Variants in SYCP2L observed in about 807,000 individuals in gnomAD.
SYCP2L encodes the protein synaptonemal complex protein 2-like.
A neutral mutation model predicts 125.8 loss-of-function variants in SYCP2L; 98 were observed. That is an observed-to-expected ratio of 0.78 (90% CI 0.66 to 0.92). The LOEUF (loss-of-function observed/expected upper bound fraction) is 0.92, where lower values mean the gene tolerates loss of function less well. Ranked by LOEUF, SYCP2L falls within the 40% of genes least tolerant of loss-of-function variation. The pLI, the probability that SYCP2L is intolerant of heterozygous loss-of-function variation, is 0.00. For synonymous variants in SYCP2L, 317 were observed against 325.4 expected (o/e 0.97, Z 0.28); for missense variants, 842 against 936.4 (o/e 0.90, Z 1.32).
chr6:10,913,077 G>C (rs1780636744), intron 14 of SYCP2L, 150 bp downstream of exon 14: 2 of 637,770 alleles, frequency 3.1e-6, no homozygotes, highest in South Asian at 4.5e-5. Flanking sequence ...CGCTGTCACA[G>C]GTTTGTGACT....
At position 10,961,395 on chromosome 6, in the gene SYCP2L, G is replaced by A; in HGVS notation, c.2346G>A (p.Lys782=). The change falls in exon 27 of 30, where the codon AAG becomes AAA. Residue 782 remains lysine, a synonymous_variant. Coordinates refer to ENST00000283141, the MANE Select transcript of SYCP2L (RefSeq NM_001040274.3). ...TTCAGGCCCTGGAACACCTTGAGAA[G>A]GAGGTTCTGGTAAGTTCTTTTTGTG... ...QDIQALEHLE[K]EVLEFWGKQS... The A allele has an allele frequency of 6.2e-7, 1 of 1,614,112 alleles. No individual in the cohort carries two copies. Among genetic ancestry groups the A allele is most frequent in the Non-Finnish European group, 8.5e-7 (1 of 1,179,984 alleles).
At chr6:10,930,655 G>C (rs767491864) in intron 19 of SYCP2L, 141 bp downstream of exon 19, 24 of 931,800 alleles carry the variant, frequency 2.6e-5, no homozygotes, top group Admixed American at 5.7e-5. Context: ...AGTTACACTG[G>C]AAAGGCAAAA....
intron 23 of SYCP2L, among the ~76,000 whole-genome samples, chr6:10,945,975 CAT>C (rs552341679): frequency 3.7e-3 from 559 of 152,126 alleles, no homozygotes; most frequent in Non-Finnish European, 6.2e-3. Context: ...TCATGACTGA[CAT>C]ATGTGTATGT....
At chr6:10,893,769 T>C in intron 2 of SYCP2L, 98 bp from the exon 3 acceptor site, 1 of 1,293,322 alleles carries the variant, frequency 7.7e-7, no homozygotes, top group East Asian at 2.5e-5. Flanking sequence ...CTATATTATT[T>C]CACACTGAAT....
intron 1 of SYCP2L, among the ~76,000 whole-genome samples, chr6:10,887,526 C>A (rs73723607): frequency 0.03 from 4,539 of 152,124 alleles, 229 homozygotes; most frequent in African/African-American, 0.1. Flanking sequence ...TTTAACCGAA[C>A]GACAAAGGAC....
chr6:10,955,878 T>C (rs1781495625), intron 24 of SYCP2L, among the ~76,000 whole-genome samples: 1 of 152,204 alleles, frequency 6.6e-6, no homozygotes, highest in Non-Finnish European at 1.5e-5. Context: ...CCTAGCTATA[T>C]GTCCTCCTTA....
In SYCP2L at chr6:10,891,581, G is replaced by A; in HGVS notation, c.78G>A (p.Trp26Ter). ...RTGKAQDDAF[W>*]LQSLITDAFH... is the part of the protein sequence containing the mutation. ...GGAAGGCCCAGGATGATGCTTTCTGGGTAAAGATCAAGTTTCTTTTATAAT... is the reference window on the plus strand; with the variant it reads ...GGAAGGCCCAGGATGATGCTTTCTGAGTAAAGATCAAGTTTCTTTTATAAT... Residue 26 changes from tryptophan (W) to a stop codon, truncating the protein, a stop_gained and splice_region_variant, in exon 2 of 30, where the codon TGG (tryptophan) becomes TGA (stop). Transcript: ENST00000283141. LOFTEE classifies it high-confidence loss of function. 1.3e-6 allele frequency: 2 copies of A among 1,572,100 alleles called. No homozygotes were observed. The highest frequency in any genetic ancestry group is 1.7e-6 in the Non-Finnish European group (2 of 1,147,364).
chr6:10,959,009 C>G, intron 26 of SYCP2L, 134 bp downstream of exon 26: 1 of 727,994 alleles, frequency 1.4e-6, no homozygotes, highest in Non-Finnish European at 2.3e-6. Context: ...TCATTTAACC[C>G]TTCTGGGTTT....
rs1780594805 is a variant in SYCP2L at position 10,910,884 on chromosome 6, C to G, written c.918+15C>G. ...ATGAGCATGAGGTATGTTCATCCCT[C>G]TTGGAGGTCCTGAGGGCGGTGTGCA... On this transcript the variant is annotated intron_variant, in intron 12 of 29. Transcript: ENST00000283141. 1 of 1,613,814 alleles carries G rather than the reference C, an allele frequency of 6.2e-7. No homozygotes were observed. Among genetic ancestry groups the G allele is most frequent in the Non-Finnish European group, 8.5e-7 (1 of 1,179,918 alleles).
intron 1 of SYCP2L, among the ~76,000 whole-genome samples, chr6:10,890,399 G>T (rs1780153198): frequency 6.6e-6 from 1 of 152,126 alleles, no homozygotes; most frequent in Non-Finnish European, 1.5e-5. Context: ...TCTAACTGGG[G>T]TAAGATAATA....
rs865985710 is a variant in SYCP2L, at chr6:10,942,503, C to A, written c.1858C>A (p.His620Asn). Reference sequence around the variant, plus strand: ...ACTGAGTGAGCTCTCTTCCTTGAAGCACTCAGAAGATGAAGAAAAACCTAA... The same window carrying A: ...ACTGAGTGAGCTCTCTTCCTTGAAGAACTCAGAAGATGAAGAAAAACCTAA... ...HSLSELSSLK[H>N]SEDEEKPKIV... Residue 620 changes from histidine to asparagine, a missense_variant, in exon 22 of 30, where the codon CAC becomes AAC. His to Asn is a moderately conservative substitution (Grantham distance 68, BLOSUM62 1). Transcript: ENST00000283141. The A allele has an allele frequency of 6.2e-7, 1 of 1,602,844 alleles. No individual in the cohort carries two copies. The highest frequency in any genetic ancestry group is 1.1e-5 in the South Asian group (1 of 88,416).
chr6:10,903,213 T>A (rs559492966), intron 8 of SYCP2L, among the ~76,000 whole-genome samples: 1 of 152,044 alleles, frequency 6.6e-6, no homozygotes, highest in Non-Finnish European at 1.5e-5. Flanking sequence ...GGCGGGCAGA[T>A]CATGAGGTCA....
intron 10 of SYCP2L, among the ~76,000 whole-genome samples, 161 bp downstream of exon 10, chr6:10,907,845 G>T (rs1039896636): frequency 1.4e-4 from 20 of 144,878 alleles, no homozygotes; most frequent in Admixed American, 1.3e-3. Context: ...CAATTTGAGG[G>T]TAATATGAAC....
chr6:10,889,906 C>G (rs149303263), intron 1 of SYCP2L, among the ~76,000 whole-genome samples: 201 of 152,258 alleles, frequency 1.3e-3, no homozygotes, highest in African/African-American at 4.7e-3. Context: ...AGGCATGAGC[C>G]ACCGCACCCG....
intron 29 of SYCP2L, among the ~76,000 whole-genome samples, chr6:10,967,454 GGTGTGTGTGTGTGTGTGTGTGT>G (rs3066151): frequency 0.013 from 1,870 of 138,912 alleles, 41 homozygotes; most frequent in African/African-American, 0.046. Flanking sequence ...TGGGGTAGAG[GGTGTGTGTGTGTGTGTGTGTGT>G]GTGTGTGTGT....
At chr6:10,909,151 T>C (rs916148738) in intron 10 of SYCP2L, among the ~76,000 whole-genome samples, 14 of 117,724 alleles carry the variant, frequency 1.2e-4, no homozygotes, top group Non-Finnish European at 1.9e-4. Context: ...TGAGACAGAG[T>C]TTCTTTCGGT....
At chr6:10,913,051 G>A (rs923178791) in intron 14 of SYCP2L, 124 bp downstream of exon 14, 2 of 847,394 alleles carry the variant, frequency 2.4e-6, no homozygotes, top group Admixed American at 2.6e-5. Flanking sequence ...AAGGCTGTAT[G>A]GTATGATAGA....
At chr6:10,944,503 TAAATC>T (rs1022795411) in intron 23 of SYCP2L, among the ~76,000 whole-genome samples, 3 of 152,160 alleles carry the variant, frequency 2.0e-5, no homozygotes, top group Admixed American at 1.3e-4. Flanking sequence ...CTTTTTTTGA[TAAATC>T]AAAGCTTTTA....
intron 14 of SYCP2L, 55 bp from the exon 15 acceptor site, chr6:10,924,440 TA>T: frequency 7.2e-7 from 1 of 1,391,550 alleles, no homozygotes. Flanking sequence ...GATAAAATTT[TA>T]AAATAAAACA....
Sources: gnomAD v4.1 joint callset for allele counts (sites outside exome capture counted in the v4.1 genomes callset) on GRCh38, gnomAD v4.1.1 for gene constraint, MANE v1.5 for transcripts, NCBI Gene and HGNC (gene_info 2026-07-23, HGNC 2026-07-21) for gene names.